Variants in TRIO observed in about 807,000 individuals in gnomAD.
TRIO encodes the protein trio Rho guanine nucleotide exchange factor.
TRIO carries 58 observed loss-of-function variants against 351.9 expected under a neutral mutation model. That is an observed-to-expected ratio of 0.16 (90% confidence interval 0.13 to 0.21). The LOEUF (loss-of-function observed/expected upper bound fraction) is 0.21, where lower values mean the gene tolerates loss of function less well. Among genes scored for constraint, TRIO ranks in the 10% least tolerant of loss-of-function variants. The probability of loss-of-function intolerance (pLI) is 1.00; values close to 1 mark genes in which losing one functional copy is unlikely to be tolerated. For missense variants in TRIO, 3,201 were observed against 4,027.8 expected, an observed-to-expected ratio of 0.79 and a Z score of 5.56; for synonymous variants, 1,758 against 1,595.7, an observed-to-expected ratio of 1.10 and a Z score of -2.42.
intron 18 of TRIO, among the ~76,000 whole-genome samples, chr5:14,373,085 C>T (rs1745258580): frequency 6.7e-6 from 1 of 148,432 alleles, no homozygotes; most frequent in Non-Finnish European, 1.5e-5. Flanking sequence ...CCTCACAAAA[C>T]CATCACATCT....
chr5:14,454,932 G>C, intron 34 of TRIO, among the ~76,000 whole-genome samples: 1 of 152,148 alleles, frequency 6.6e-6, no homozygotes, highest in Non-Finnish European at 1.5e-5. Context: ...CAGGAGTGAA[G>C]CTGCAGACCT....
chr5:14,450,841 G>C (rs555813233), intron 34 of TRIO, among the ~76,000 whole-genome samples: 14 of 152,150 alleles, frequency 9.2e-5, no homozygotes, highest in Admixed American at 7.2e-4. Flanking sequence ...GAACCCCTGG[G>C]GACGCAGTGT....
At chr5:14,199,820 C>A (rs1282466499) in intron 1 of TRIO, among the ~76,000 whole-genome samples, 2 of 152,104 alleles carry the variant, frequency 1.3e-5, no homozygotes, top group Admixed American at 1.3e-4. Context: ...ATTGCCAGAC[C>A]ATGGTTTCTT....
chr5:14,186,562 A>G (rs769943943), intron 1 of TRIO, among the ~76,000 whole-genome samples: 29 of 151,648 alleles, frequency 1.9e-4, no homozygotes, highest in Admixed American at 5.3e-4. Flanking sequence ...TCGTTTGCAC[A>G]TTAGTGACCA....
intron 34 of TRIO, among the ~76,000 whole-genome samples, chr5:14,434,869 A>ATT (rs1234200063): frequency 6.6e-6 from 1 of 152,158 alleles, no homozygotes; most frequent in Non-Finnish European, 1.5e-5. Flanking sequence ...GACCTTGACA[A>ATT]TTTTAAGGCA....
At chr5:14,151,386 T>TTGTG (rs34382232) in intron 1 of TRIO, among the ~76,000 whole-genome samples, 11 of 148,762 alleles carry the variant, frequency 7.4e-5, no homozygotes, top group South Asian at 2.2e-4. Context: ...GTGTGTGTGT[T>TTGTG]TGTGTGTGTG....
chr5:14,162,155 C>T (rs1200424992), intron 1 of TRIO, among the ~76,000 whole-genome samples: 2 of 152,162 alleles, frequency 1.3e-5, no homozygotes, highest in African/African-American at 4.8e-5. Flanking sequence ...ATTCCATTCA[C>T]ATATCTGGAG....
intron 28 of TRIO, among the ~76,000 whole-genome samples, chr5:14,395,298 C>A (rs1222705320): frequency 6.6e-6 from 1 of 152,188 alleles, no homozygotes; most frequent in Non-Finnish European, 1.5e-5. Flanking sequence ...ACTATGAATG[C>A]AAAATAAGTC....
intron 1 of TRIO, among the ~76,000 whole-genome samples, chr5:14,224,387 A>G (rs2152212747): frequency 6.6e-6 from 1 of 151,690 alleles, no homozygotes; most frequent in South Asian, 2.1e-4. Flanking sequence ...GTAAGGAAGA[A>G]CTCTTAGCTG....
chr5:14,421,893 G>A (rs2152391264), intron 34 of TRIO, among the ~76,000 whole-genome samples: 1 of 152,292 alleles, frequency 6.6e-6, no homozygotes, highest in Non-Finnish European at 1.5e-5. Flanking sequence ...GCAGGAGCAG[G>A]AGGCCTCTGT....
chr5:14,429,786 A>G (rs1355221276), intron 34 of TRIO, among the ~76,000 whole-genome samples: 1 of 152,204 alleles, frequency 6.6e-6, no homozygotes, highest in Non-Finnish European at 1.5e-5. Context: ...ATTCACCTCT[A>G]GCTTGTGCTT....
chr5:14,401,562 T>A (rs1433231660), intron 31 of TRIO, among the ~76,000 whole-genome samples: 1 of 152,034 alleles, frequency 6.6e-6, no homozygotes, highest in Non-Finnish European at 1.5e-5. Flanking sequence ...GAGGAATGAT[T>A]ATTAGTGACA....
At chr5:14,394,496 G>A (rs1208975263) in intron 28 of TRIO, among the ~76,000 whole-genome samples, 1 of 152,144 alleles carries the variant, frequency 6.6e-6, no homozygotes, top group Non-Finnish European at 1.5e-5. Context: ...TGCAGGCATG[G>A]AAACTAGCCT....
intron 10 of TRIO, among the ~76,000 whole-genome samples, chr5:14,334,088 T>A (rs1741169745): frequency 6.6e-6 from 1 of 152,222 alleles, no homozygotes; most frequent in African/African-American, 2.4e-5. Flanking sequence ...GGTGGACAAG[T>A]TACTGCACCC....
chr5:14,319,141 A>G (rs1581608346), intron 9 of TRIO, among the ~76,000 whole-genome samples: 1 of 152,258 alleles, frequency 6.6e-6, no homozygotes, highest in East Asian at 1.9e-4. Flanking sequence ...TTCCCCTCTC[A>G]AACAGCATAT....
intron 11 of TRIO, among the ~76,000 whole-genome samples, chr5:14,351,277 A>G (rs886986810): frequency 6.6e-6 from 1 of 152,246 alleles, no homozygotes; most frequent in Non-Finnish European, 1.5e-5. Context: ...ACAGAGGAAC[A>G]TGCTGCACGT....
intron 33 of TRIO, among the ~76,000 whole-genome samples, chr5:14,416,838 A>C (rs759108479): frequency 4.6e-5 from 7 of 152,090 alleles, no homozygotes; most frequent in Admixed American, 4.6e-4. Flanking sequence ...AGGTGATGAG[A>C]CAGTGCACTT....
At chr5:14,314,343 C>T (rs1012041470) in intron 8 of TRIO, among the ~76,000 whole-genome samples, 8 of 152,168 alleles carry the variant, frequency 5.3e-5, no homozygotes, top group Non-Finnish European at 7.3e-5. Context: ...TGCCTAAATA[C>T]ATCTATTGTA....
chr5:14,506,931 C>T (rs1451292745), intron 55 of TRIO, among the ~76,000 whole-genome samples, 191 bp from the exon 56 acceptor site: 1 of 152,202 alleles, frequency 6.6e-6, no homozygotes, highest in African/African-American at 2.4e-5. Context: ...ACCCTGTACC[C>T]CACTCGCATC....
Sources: allele counts gnomAD v4.1 joint callset (sites outside exome capture counted in the v4.1 genomes callset), GRCh38; gene constraint gnomAD v4.1.1; transcripts MANE v1.5; gene names NCBI Gene and HGNC (gene_info 2026-07-23, HGNC 2026-07-21).